The following ZNF750 variants were observed in gnomAD, a reference collection of about 807,000 sequenced individuals.
The protein encoded by ZNF750 is protein ZNF750.
Under a neutral mutation model 31.6 loss-of-function variants are expected in ZNF750, and 10 were observed. The observed-to-expected ratio is 0.32, with a 90% CI of 0.19 to 0.54. The LOEUF (loss-of-function observed/expected upper bound fraction) is 0.54, where lower values mean the gene tolerates loss of function less well. Ranked by LOEUF, ZNF750 falls within the 20% of genes least tolerant of loss-of-function variation. The pLI is 0.95. For synonymous variants in ZNF750, 400 were observed against 404.9 expected (o/e 0.99, Z 0.15); for missense variants, 914 against 934.9 (o/e 0.98, Z 0.29).
At position 82,830,060 on chromosome 17, in the gene ZNF750, C is replaced by T; in HGVS notation, c.*82G>A. On this transcript the variant is annotated 3_prime_UTR_variant, in exon 3 of 3. Coordinates refer to ENST00000269394, the MANE Select transcript of ZNF750 (RefSeq NM_024702.3). ...CTGCATTTGTAAAAATGTGAAAGTG[C>T]CAGTTCAGAGGTGTTGTAGCTTGCC... is the stretch of plus-strand genomic sequence containing the variant. The T allele has an allele frequency of 1.9e-6, 3 of 1,580,872 alleles. No homozygotes were observed. Among genetic ancestry groups the T allele is most frequent in the Non-Finnish European group, 2.6e-6 (3 of 1,157,534 alleles).
At position 82,832,092 on chromosome 17, in the gene ZNF750, T is replaced by A. The variant is rs773151722; in HGVS notation, c.363A>T (p.Gly121=). Residue 121 remains glycine (G), a synonymous_variant, in exon 2 of 3, where the codon GGA becomes GGT. Transcript: ENST00000269394. This position sits in a 1 kb window ranked among gnomAD's most constrained non-coding sequence, Gnocchi z 4.9. ...IKENLELQAR[G]THRCLGQKPA... ...GCTTCTGTCCCAGGCACCTGTGGGT[T>A]CCCCGGGCTTGCAGCTCCAGGTTTT... The A allele has an allele frequency of 1.2e-5, 19 of 1,614,068 alleles. No homozygotes were observed. The highest frequency in any genetic ancestry group is 2.7e-5 in the African/African-American group (2 of 74,936).
chr17:82,835,819 A>C lies in ZNF750; in HGVS notation c.-182-3183T>G, dbSNP rs2053923126. Reference sequence around the variant, plus strand: ...AGTTCTTTAAGACATTTATTTACTAAGAAGTGGTTTGGGTAGAAAAGGGGC... The same window carrying C: ...AGTTCTTTAAGACATTTATTTACTACGAAGTGGTTTGGGTAGAAAAGGGGC... On this transcript the variant is annotated intron_variant, in intron 1 of 2. Transcript: ENST00000269394. The surrounding 1 kb of genome is among the most constrained non-coding windows in gnomAD (Gnocchi z 4.5). Among the ~76,000 whole-genome samples the C allele has an allele frequency of 6.6e-6, 1 of 152,220 alleles. No homozygotes were observed. The highest frequency in any genetic ancestry group is 2.4e-5 in the African/African-American group (1 of 41,454).
intron 1 of ZNF750, among the ~76,000 whole-genome samples, chr17:82,834,514 C>T (rs776275556): frequency 6.6e-5 from 10 of 152,238 alleles, no homozygotes; most frequent in Non-Finnish European, 1.0e-4. Flanking sequence ...GGCACATATA[C>T]ACCATGGAAT....
rs1313014914 is a variant in ZNF750, at chr17:82,831,228, C to T, written c.1227G>A (p.Thr409=). Residue 409 remains threonine, a synonymous_variant, in exon 2 of 3, where the codon ACG becomes ACA. Coordinates refer to ENST00000269394, the MANE Select transcript of ZNF750 (RefSeq NM_024702.3). The surrounding 1 kb of genome is among the most constrained non-coding windows in gnomAD (Gnocchi z 4.6). ...KMSPRAGSAA[T]GSPGRPSPTD... The stretch of plus-strand genomic sequence containing the variant: ...TGGGGCTCGGCCTCCCTGGGGAGCC[C>T]GTGGCTGCACTCCCTGCGCGGGGGC... The T allele has an allele frequency of 2.5e-6, 4 of 1,614,004 alleles. No individual in the cohort carries two copies. The highest frequency in any genetic ancestry group is 2.2e-5 in the East Asian group (1 of 44,872).
Position 82,833,255 on chromosome 17 carries a change from G to A in ZNF750, c.-182-619C>T, listed in dbSNP as rs1464502950. On this transcript the variant is annotated intron_variant, in intron 1 of 2. Transcript: ENST00000269394. The surrounding 1 kb of genome is among the most constrained non-coding windows in gnomAD (Gnocchi z 4.7). Reference sequence around the variant, plus strand: ...ACCTGCTGGCTGGGAGCTCTCCCAAGTGCTGTGCGCCCCTGCCGTCGGCCT... The same window carrying A: ...ACCTGCTGGCTGGGAGCTCTCCCAAATGCTGTGCGCCCCTGCCGTCGGCCT... Among the ~76,000 whole-genome samples the A allele has an allele frequency of 6.6e-6, 1 of 152,118 alleles. No homozygotes were observed. The highest frequency in any genetic ancestry group is 1.5e-5 in the Non-Finnish European group (1 of 68,030).
intron 1 of ZNF750, chr17:82,838,797 C>T (rs1190760713): frequency 1.0e-6 from 1 of 985,302 alleles, no homozygotes; most frequent in Non-Finnish European, 1.2e-6. Flanking sequence ...GCTCTTAACT[C>T]TAGTTTCGGC....
At chr17:82,836,588 C>A (rs2053995911) in intron 1 of ZNF750, among the ~76,000 whole-genome samples, 2 of 151,554 alleles carry the variant, frequency 1.3e-5, no homozygotes, top group African/African-American at 4.8e-5. Context: ...GCGCCTGAAA[C>A]ACAAGCGCTC....
chr17:82,831,866 T>C lies in ZNF750; in HGVS notation c.589A>G (p.Lys197Glu). Residue 197 changes from lysine to glutamate, a missense_variant, in exon 2 of 3, where the codon AAG becomes GAG. Lys to Glu is a moderately conservative substitution (Grantham distance 56, BLOSUM62 1). Transcript: ENST00000269394. The surrounding 1 kb of genome is among the most constrained non-coding windows in gnomAD (Gnocchi z 4.6). ...PTAKAVSFHT[K>E]SAFHTPGYPW... ...TAGCCAGGAGTGTGGAAGGCCGACT[T>C]GGTGTGGAAAGACACGGCCTTGGCA... is the stretch of plus-strand genomic sequence containing the variant. 6.2e-7 allele frequency: 1 copy of C among 1,614,054 alleles called. No homozygotes were observed. Among genetic ancestry groups the C allele is most frequent in the South Asian group, 1.1e-5 (1 of 91,068 alleles).
At position 82,830,761 on chromosome 17, in the gene ZNF750, T is replaced by C. The variant is rs746853009; in HGVS notation, c.1553A>G (p.Lys518Arg). 6.8e-6 allele frequency: 11 copies of C among 1,613,704 alleles called. No individual in the cohort carries two copies. Among genetic ancestry groups the C allele is most frequent in the East Asian group, 2.2e-5 (1 of 44,886 alleles). ...SSGMGPLNLS[K>R]KSEINLAATH... The stretch of plus-strand genomic sequence containing the variant: ...GGCTGCCAGGTTTATCTCTGATTTC[T>C]TGGAGAGGTTGAGGGGGCCCATCCC... The change falls in exon 3 of 3, where the codon AAG (lysine) becomes AGG (arginine). Residue 518 changes from lysine to arginine, a missense_variant. Lys to Arg is a conservative substitution (Grantham distance 26, BLOSUM62 2). Coordinates refer to ENST00000269394, the MANE Select transcript of ZNF750 (RefSeq NM_024702.3).
chr17:82,830,506 C>G lies in ZNF750; in HGVS notation c.1808G>C (p.Ser603Thr). 2 of 1,613,584 alleles carry G rather than the reference C, an allele frequency of 1.2e-6. No homozygotes were observed. Among genetic ancestry groups the G allele is most frequent in the African/African-American group, 1.3e-5 (1 of 75,062 alleles). The change falls in exon 3 of 3, where the codon AGC becomes ACC. Residue 603 changes from serine to threonine, a missense_variant. Ser to Thr is a moderately conservative substitution (Grantham distance 58). Transcript: ENST00000269394. ...GPSHPETKPG[S>T]LDGDGAPPTG... ...GGGTGGGGCCCCGTCACCGTCGAGG[C>G]TGCCTGGCTTGGTCTCAGGGTGGCT...
Position 82,832,712 on chromosome 17 carries a change from T to C in ZNF750, c.-182-76A>G. 6 of 536,124 alleles carry C rather than the reference T, an allele frequency of 1.1e-5. No homozygotes were observed. In the South Asian group the frequency reaches 1.2e-4, roughly 11 times the overall value. The allele number at this position is 536,124 out of a possible 1,614,324, so 33.2% of individuals were successfully genotyped here. The stretch of plus-strand genomic sequence containing the variant: ...AGAAGCCGGCCTCGGCTCGCCACAG[T>C]GCCACAGGATCCCTGAAGCAGAACC... On this transcript the variant is annotated intron_variant, in intron 1 of 2. Coordinates refer to ENST00000269394, the MANE Select transcript of ZNF750 (RefSeq NM_024702.3). This position sits in a 1 kb window ranked among gnomAD's most constrained non-coding sequence, Gnocchi z 4.9.
In ZNF750 at chr17:82,829,962, G is replaced by T; in HGVS notation, c.*180C>A. The T allele has an allele frequency of 3.0e-6, 3 of 1,001,444 alleles. No homozygotes were observed. Among genetic ancestry groups the T allele is most frequent in the Non-Finnish European group, 4.3e-6 (3 of 697,256 alleles). The allele number at this position is 1,001,444 out of a possible 1,614,324, so 62.0% of individuals were successfully genotyped here. A position where few individuals can be genotyped will look rare whatever the true frequency, so the allele number is the denominator to read the frequency against. On this transcript the variant is annotated 3_prime_UTR_variant, in exon 3 of 3. Coordinates refer to ENST00000269394, the MANE Select transcript of ZNF750 (RefSeq NM_024702.3). ...AGTAGAAGCACCTTTTAATATTCAT[G>T]CTTAATATTTATAAAAACTGAATTG...
chr17:82,833,825 T>C lies in ZNF750; in HGVS notation c.-182-1189A>G, dbSNP rs1311659914. Among the ~76,000 whole-genome samples, 1 of 148,928 alleles carries C rather than the reference T, an allele frequency of 6.7e-6. No homozygotes were observed. The highest frequency in any genetic ancestry group is 1.5e-5 in the Non-Finnish European group (1 of 67,966). The stretch of plus-strand genomic sequence containing the variant: ...AGGTCCTGGGACCCACCAGAGGCTG[T>C]GTGTGTGATGTCAGAGCTGGCCTGC... On this transcript the variant is annotated intron_variant, in intron 1 of 2. Coordinates refer to ENST00000269394, the MANE Select transcript of ZNF750 (RefSeq NM_024702.3). The surrounding 1 kb of genome is among the most constrained non-coding windows in gnomAD (Gnocchi z 4.7).
Position 82,832,413 on chromosome 17 carries a change from G to A in ZNF750, c.42C>T (p.Tyr14=). 1 of 1,614,002 alleles carries A rather than the reference G, an allele frequency of 6.2e-7. No homozygotes were observed. The highest frequency in any genetic ancestry group is 1.3e-5 in the African/African-American group (1 of 75,064). ...LKERKPKKPH[Y]IPRPPGKPFK... is the part of the protein sequence containing the mutation. ...AGGGCTTTCCTGGAGGCCTGGGGAT[G>A]TAATGTGGCTTTTTTGGCTTCCGCT... is the stretch of plus-strand genomic sequence containing the variant. The change falls in exon 2 of 3, where the codon TAC becomes TAT. Residue 14 remains tyrosine, a synonymous_variant. Coordinates refer to ENST00000269394, the MANE Select transcript of ZNF750 (RefSeq NM_024702.3). This position sits in a 1 kb window ranked among gnomAD's most constrained non-coding sequence, Gnocchi z 4.9.
At chr17:82,839,146 T>C (rs1455987779) in intron 1 of ZNF750, among the ~76,000 whole-genome samples, 2 of 152,256 alleles carry the variant, frequency 1.3e-5, no homozygotes, top group African/African-American at 2.4e-5. Flanking sequence ...TATGTACTTA[T>C]TTTAAACTTT....
In ZNF750 at chr17:82,830,589, T is replaced by C. The variant is rs12938126; in HGVS notation, c.1725A>G (p.Ala575=). ...RPAFPGRPRA[A]EPAAAVPQKT... ...TCTGTGGAACAGCAGCAGCAGGTTC[T>C]GCAGCTCGTGGTCGACCGGGGAAGG... Residue 575 remains alanine, a synonymous_variant, in exon 3 of 3, where the codon GCA becomes GCG. Transcript: ENST00000269394. 652,487 of 1,613,896 alleles carry C rather than the reference T, an allele frequency of 0.4. 132,702 individuals carry two copies. The highest frequency in any genetic ancestry group is 0.43 in the Admixed American group (25,713 of 60,010).
chr17:82,832,160 C>A lies in ZNF750; in HGVS notation c.295G>T (p.Asp99Tyr). Residue 99 changes from aspartate to tyrosine, a missense_variant, in exon 2 of 3, where the codon GAC becomes TAC. By Grantham distance (160) the Asp-to-Tyr change is radical. Coordinates refer to ENST00000269394, the MANE Select transcript of ZNF750 (RefSeq NM_024702.3). This position sits in a 1 kb window ranked among gnomAD's most constrained non-coding sequence, Gnocchi z 4.9. Reference protein sequence around the residue: ...KSVANGLSAFDSKLQHSSARE... With the variant: ...KSVANGLSAFYSKLQHSSARE... ...GCAGAGCTGTGCTGAAGCTTCGAGT[C>A]GAAGGCAGAGAGTCCATTTGCGACA... 1 of 1,614,170 alleles carries A rather than the reference C, an allele frequency of 6.2e-7. No homozygotes were observed. Among genetic ancestry groups the A allele is most frequent in the South Asian group, 1.1e-5 (1 of 91,080 alleles).
chr17:82,836,704 CAA>C (rs1302526672), intron 1 of ZNF750, among the ~76,000 whole-genome samples: 6 of 146,616 alleles, frequency 4.1e-5, no homozygotes, highest in African/African-American at 1.3e-4. Flanking sequence ...AAAAACAAAA[CAA>C]AACAAAACCA....
intron 2 of ZNF750, 24 bp from the exon 3 acceptor site, chr17:82,830,901 TA>T (rs1280474046): frequency 3.7e-6 from 6 of 1,612,488 alleles, no homozygotes; most frequent in African/African-American, 1.3e-5. Flanking sequence ...AGAAAAAGCT[TA>T]GTAGGAGCTT....
Sources: gnomAD v4.1 joint callset for allele counts (sites outside exome capture counted in the v4.1 genomes callset) on GRCh38, gnomAD v4.1.1 for gene constraint, Gnocchi (gnomAD v3.1) non-coding constraint, MANE v1.5 for transcripts, NCBI Gene and HGNC (gene_info 2026-07-23, HGNC 2026-07-21) for gene names.